KARS1: variants seen among roughly 807,000 people sequenced by gnomAD.
KARS1 encodes the protein lysyl-tRNA synthetase 1, also known as lysine--tRNA ligase.
Under a neutral mutation model 63.9 loss-of-function variants are expected in KARS1, and 50 were observed. The ratio of observed to expected loss-of-function variants is 0.78; its 90% CI spans 0.62 to 0.99. The LOEUF (loss-of-function observed/expected upper bound fraction) is 0.99, where lower values mean the gene tolerates loss of function less well. Among genes scored for constraint, KARS1 ranks in the 50% least tolerant of loss-of-function variants. The pLI is 0.00. For synonymous variants in KARS1, 320 were observed against 264.6 expected, an observed-to-expected ratio of 1.21 and a Z score of -2.03; for missense variants, 816 against 754.5, an observed-to-expected ratio of 1.08 and a Z score of -0.95.
At position 75,634,160 on chromosome 16, in the gene KARS1, T is replaced by C; in HGVS notation, c.915+13A>G. The C allele has an allele frequency of 6.2e-7, 1 of 1,613,398 alleles. No individual in the cohort carries two copies. Among genetic ancestry groups the C allele is most frequent in the Non-Finnish European group, 8.5e-7 (1 of 1,179,398 alleles). On this transcript the variant is annotated intron_variant, in intron 7 of 13. Coordinates refer to ENST00000302445, the MANE Select transcript of KARS1 (RefSeq NM_005548.3). ...GCTTCTTTAAGGGAAAAGGGTGTAC[T>C]ATTACTGACTACCTTATGATAGAGT...
chr16:75,635,312 G>A (rs551311710), intron 6 of KARS1: 9 of 324,602 alleles, frequency 2.8e-5, no homozygotes, highest in African/African-American at 1.9e-4. Flanking sequence ...AGGAGTGAAA[G>A]AGCACTTTCA....
In KARS1 at chr16:75,636,546, A is replaced by C; in HGVS notation, c.390T>G (p.Gly130=). The part of the protein sequence containing the change: ...HLTDITLKVA[G]RIHAKRASGG... ...CAGAAGCTCTTTTGGCATGGATCCTACCTAGAAAAAGAAGAGCAAAAATAC... is the reference window on the plus strand; with the variant it reads ...CAGAAGCTCTTTTGGCATGGATCCTCCCTAGAAAAAGAAGAGCAAAAATAC... The change falls in exon 4 of 14, where the codon GGT becomes GGG. Residue 130 remains glycine, a splice_region_variant and synonymous_variant. Transcript: ENST00000302445. 1 of 1,598,670 alleles carries C rather than the reference A, an allele frequency of 6.3e-7. No homozygotes were observed. Among genetic ancestry groups the C allele is most frequent in the South Asian group, 1.1e-5 (1 of 90,796 alleles).
rs1438527947 is a variant in KARS1 at position 75,628,556 on chromosome 16, G to A, written c.1695+13C>T. The A allele has an allele frequency of 3.1e-6, 5 of 1,613,102 alleles. No homozygotes were observed. Among genetic ancestry groups the A allele is most frequent in the African/African-American group, 1.3e-5 (1 of 74,894 alleles). ...TCCTCAGGAAGTGTGCTCTGTGGAG[G>A]GTTGCTACGTACCTTGATGTTGTTG... is the stretch of plus-strand genomic sequence containing the variant. On this transcript the variant is annotated intron_variant, in intron 13 of 13. Transcript: ENST00000302445.
chr16:75,634,745 T>C (rs2082145951), intron 6 of KARS1, among the ~76,000 whole-genome samples: 1 of 152,038 alleles, frequency 6.6e-6, no homozygotes, highest in Admixed American at 6.6e-5. Context: ...CTGGCTAATT[T>C]TTTGTGTTTT....
At chr16:75,642,359 C>G (rs1391634236) in intron 1 of KARS1, among the ~76,000 whole-genome samples, 2 of 151,874 alleles carry the variant, frequency 1.3e-5, no homozygotes, top group African/African-American at 2.4e-5. Context: ...TGTACCACCA[C>G]AGTCAACTAA....
chr16:75,631,146 C>G, intron 10 of KARS1, 22 bp downstream of exon 10: 1 of 1,590,152 alleles, frequency 6.3e-7, no homozygotes, highest in Non-Finnish European at 8.6e-7. Flanking sequence ...AGGACATGTA[C>G]AAGAAGGCAG....
intron 3 of KARS1, among the ~76,000 whole-genome samples, chr16:75,639,061 G>C (rs2082194539): frequency 6.6e-6 from 1 of 151,994 alleles, no homozygotes; most frequent in Non-Finnish European, 1.5e-5. Context: ...CCAGCTACTG[G>C]GGAGGCTGAG....
chr16:75,638,391 C>T (rs2082187556), intron 3 of KARS1, among the ~76,000 whole-genome samples: 1 of 152,104 alleles, frequency 6.6e-6, no homozygotes, highest in Non-Finnish European at 1.5e-5. Context: ...CCCGGTCCCC[C>T]CGCCCCTTGA....
intron 1 of KARS1, among the ~76,000 whole-genome samples, chr16:75,643,454 T>C (rs2082246611): frequency 6.6e-6 from 1 of 151,800 alleles, no homozygotes; most frequent in Admixed American, 6.6e-5. Context: ...CTCAGATCAC[T>C]GTAAGCTCTG....
Position 75,647,593 on chromosome 16 carries a change from G to A in KARS1, c.47C>T (p.Pro16Leu), listed in dbSNP as rs72563118. The A allele has an allele frequency of 2.5e-6, 4 of 1,613,284 alleles. No homozygotes were observed. The highest frequency in any genetic ancestry group is 1.7e-6 in the Non-Finnish European group (2 of 1,179,756). ...CGACACTCACTTCTTGCTCAGTTTC[G>A]GCTCGCTGCCATCCACTTTCACCTC... ...AAEVKVDGSE[P>L]KLSKNELKRR... The change falls in exon 1 of 14, where the codon CCG becomes CTG. Residue 16 changes from proline (P) to leucine (L), a missense_variant. Physicochemically the swap from Pro to Leu is moderately conservative, Grantham distance 98. Coordinates refer to ENST00000302445, the MANE Select transcript of KARS1 (RefSeq NM_005548.3).
intron 6 of KARS1, 124 bp from the exon 7 acceptor site, chr16:75,634,416 G>A: frequency 2.0e-6 from 2 of 992,324 alleles, no homozygotes; most frequent in Non-Finnish European, 1.5e-6. Flanking sequence ...AAGTTCAACA[G>A]TAATGTGCAA....
rs35903075 is a variant in KARS1, at chr16:75,630,170, G to C, written c.1424+253C>G. 0.045 allele frequency among the ~76,000 whole-genome samples: 6,790 copies of C among 152,294 alleles called. 190 individuals carry two copies. The highest frequency in any genetic ancestry group is 0.067 in the Non-Finnish European group (4,538 of 68,016). ...TAGAGCCCAACCACCATGCTGAAGGGAAGCCCAGGCTGTGCTGCCAGACAG... is the reference window on the plus strand; with the variant it reads ...TAGAGCCCAACCACCATGCTGAAGGCAAGCCCAGGCTGTGCTGCCAGACAG... On this transcript the variant is annotated intron_variant, in intron 11 of 13. Coordinates refer to ENST00000302445, the MANE Select transcript of KARS1 (RefSeq NM_005548.3).
chr16:75,632,329 G>A (rs1409868359), intron 7 of KARS1, among the ~76,000 whole-genome samples: 1 of 152,202 alleles, frequency 6.6e-6, no homozygotes, highest in Non-Finnish European at 1.5e-5. Flanking sequence ...CCCTTGTAGT[G>A]TGGATAGTTA....
At chr16:75,637,342 T>G (rs1316683444) in intron 3 of KARS1, among the ~76,000 whole-genome samples, 1 of 151,234 alleles carries the variant, frequency 6.6e-6, no homozygotes, top group Non-Finnish European at 1.5e-5. Context: ...ATGGGAGGGA[T>G]CTGAGAACTG....
At position 75,635,906 on chromosome 16, in the gene KARS1, G is replaced by A. The variant is rs72789443; in HGVS notation, c.669+6C>T. The A allele has an allele frequency of 1.9e-5, 31 of 1,614,002 alleles. No individual in the cohort carries two copies. In the East Asian group the frequency reaches 3.6e-4, roughly 19 times the overall value. Reference sequence around the variant, plus strand: ...AGGCCACAGCTAGGAGGCCAAGAACGCTTACCTTGTCTTTGAGGCCAAAGT... The same window carrying A: ...AGGCCACAGCTAGGAGGCCAAGAACACTTACCTTGTCTTTGAGGCCAAAGT... On this transcript the variant is annotated splice_donor_region_variant and intron_variant, in intron 5 of 13. Coordinates refer to ENST00000302445, the MANE Select transcript of KARS1 (RefSeq NM_005548.3).
At position 75,635,946 on chromosome 16, in the gene KARS1, A is replaced by T; in HGVS notation, c.635T>A (p.Met212Lys). The change falls in exon 5 of 14, where the codon ATG becomes AAG. Residue 212 changes from methionine to lysine, a missense_variant. Physicochemically the swap from Met to Lys is moderately conservative, Grantham distance 95 (BLOSUM62 -1). Transcript: ENST00000302445. The stretch of plus-strand genomic sequence containing the variant: ...GAGGCCAAAGTGAAGATGAGGTAAC[A>T]TATGCAAACAGGGAGACAGCAGTGT... ...EITLLSPCLH[M>K]LPHLHFGLKD... The T allele has an allele frequency of 6.2e-7, 1 of 1,614,224 alleles. No individual in the cohort carries two copies. Among genetic ancestry groups the T allele is most frequent in the Admixed American group, 1.7e-5 (1 of 60,030 alleles).
At chr16:75,629,653 G>C in intron 11 of KARS1, 112 bp from the exon 12 acceptor site, 1 of 1,157,244 alleles carries the variant, frequency 8.6e-7, no homozygotes, top group South Asian at 1.2e-5. Context: ...AGGCTGGAGT[G>C]CAGTGGTGTG....
chr16:75,629,652 T>G (rs1797840198), intron 11 of KARS1, 111 bp from the exon 12 acceptor site: 1 of 1,157,950 alleles, frequency 8.6e-7, no homozygotes, highest in South Asian at 1.2e-5. Flanking sequence ...CAGGCTGGAG[T>G]GCAGTGGTGT....
chr16:75,634,711 G>C (rs764677752), intron 6 of KARS1, among the ~76,000 whole-genome samples: 1 of 152,148 alleles, frequency 6.6e-6, no homozygotes, highest in African/African-American at 2.4e-5. Flanking sequence ...AAGTAGCTGG[G>C]ACTACAGGTG....
Sources: allele counts gnomAD v4.1 joint callset (sites outside exome capture counted in the v4.1 genomes callset), GRCh38; gene constraint gnomAD v4.1.1; transcripts MANE v1.5; gene names NCBI Gene and HGNC (gene_info 2026-07-23, HGNC 2026-07-21).